Variants in PTPRB observed in about 807,000 individuals in gnomAD.
PTPRB encodes receptor-type tyrosine-protein phosphatase beta.
PTPRB carries 97 observed loss-of-function variants against 238.1 expected under a neutral mutation model. The observed-to-expected ratio is 0.41, with a 90% CI of 0.35 to 0.48. The LOEUF is 0.48. PTPRB is among the 20% of genes least tolerant of loss of function. The probability of loss-of-function intolerance (pLI) is 0.30; values close to 1 mark genes in which losing one functional copy is unlikely to be tolerated. For missense variants in PTPRB, 2,292 were observed against 2,681.9 expected (o/e 0.85, Z 3.21); for synonymous variants, 970 against 995.4 (o/e 0.97, Z 0.48).
intron 32 of PTPRB, among the ~76,000 whole-genome samples, chr12:70,524,883 A>ATGTATATGTG (rs1872145564): frequency 1.3e-5 from 2 of 150,774 alleles, no homozygotes; most frequent in Middle Eastern, 3.5e-3. Flanking sequence ...GTGTGTATAT[A>ATGTATATGTG]TGTATATATG....
rs772630471 is a variant in PTPRB at position 70,637,416 on chromosome 12, A to G, written c.-21T>C. 8 of 1,600,980 alleles carry G rather than the reference A, an allele frequency of 5.0e-6. No homozygotes were observed. In the East Asian group the frequency reaches 1.6e-4, roughly 32 times the overall value. On this transcript the variant is annotated 5_prime_UTR_variant, in exon 1 of 34. The change abolishes an upstream ATG in the 5' untranslated region. Coordinates refer to ENST00000334414, the MANE Select transcript of PTPRB (RefSeq NM_001109754.4). ...TCCATTTTCCACTTAGCAACTGTTC[A>G]TGCTTCGCTTGGGGAAAAAAAAAAT...
intron 14 of PTPRB, among the ~76,000 whole-genome samples, chr12:70,568,586 C>T (rs766715271): frequency 5.9e-5 from 9 of 152,006 alleles, no homozygotes; most frequent in Non-Finnish European, 8.8e-5. Flanking sequence ...CGTGAGCTAC[C>T]GCGCCTGGCC....
intron 27 of PTPRB, 149 bp from the exon 28 acceptor site, chr12:70,538,380 A>G: frequency 3.2e-6 from 2 of 625,332 alleles, no homozygotes; most frequent in Non-Finnish European, 5.4e-6. Context: ...AGGCAGGATA[A>G]CTAACTTGCC....
Position 70,560,621 on chromosome 12 carries a change from T to C in PTPRB, c.4432+50A>G. 1 of 1,600,810 alleles carries C rather than the reference T, an allele frequency of 6.2e-7. No individual in the cohort carries two copies. Among genetic ancestry groups the C allele is most frequent in the South Asian group, 1.1e-5 (1 of 89,838 alleles). On this transcript the variant is annotated intron_variant, in intron 17 of 33. Coordinates refer to ENST00000334414, the MANE Select transcript of PTPRB (RefSeq NM_001109754.4). This position sits in a 1 kb window ranked among gnomAD's most constrained non-coding sequence, Gnocchi z 4.2. ...TAAAATCAGAATCAAAATGTGTCTC[T>C]GGAAGCTACTTCCCACCATCCCTTG...
At chr12:70,523,527 T>C (rs1163676069) in intron 33 of PTPRB, among the ~76,000 whole-genome samples, 1 of 152,144 alleles carries the variant, frequency 6.6e-6, no homozygotes, top group Non-Finnish European at 1.5e-5. Flanking sequence ...TTTGAACTAG[T>C]TGTGATTTCA....
chr12:70,603,848 C>T (rs1883721762), intron 4 of PTPRB, among the ~76,000 whole-genome samples: 1 of 152,176 alleles, frequency 6.6e-6, no homozygotes, highest in South Asian at 2.1e-4. Context: ...AGTCTACCTT[C>T]AAAACTCAAC....
At chr12:70,562,490 C>T (rs2136334697) in intron 16 of PTPRB, among the ~76,000 whole-genome samples, 1 of 152,276 alleles carries the variant, frequency 6.6e-6, no homozygotes, top group African/African-American at 2.4e-5. Flanking sequence ...CTCCTGCTCT[C>T]CTCTCCGTCT....
At chr12:70,522,560 C>T (rs1456043018) in intron 33 of PTPRB, 1 of 152,102 alleles carries the variant, frequency 6.6e-6, no homozygotes, top group Non-Finnish European at 1.5e-5. Context: ...CACGATGGCC[C>T]AGAGTAAGAC....
chr12:70,538,352 A>T (rs1874509294), intron 27 of PTPRB, 121 bp from the exon 28 acceptor site: 2 of 782,436 alleles, frequency 2.6e-6, no homozygotes, highest in Admixed American at 5.8e-5. Flanking sequence ...TCTTATCTCC[A>T]TTTTGCAGAT....
chr12:70,523,717 A>C (rs1871934946), intron 33 of PTPRB, among the ~76,000 whole-genome samples: 1 of 152,154 alleles, frequency 6.6e-6, no homozygotes, highest in African/African-American at 2.4e-5. Context: ...GGGTAGGAGA[A>C]GAAATGGGTG....
chr12:70,571,154 G>C lies in PTPRB; in HGVS notation c.3242C>G (p.Pro1081Arg), dbSNP rs748616121. The C allele has an allele frequency of 6.2e-7, 1 of 1,613,984 alleles. No homozygotes were observed. The highest frequency in any genetic ancestry group is 8.5e-7 in the Non-Finnish European group (1 of 1,179,894). Residue 1081 changes from proline (P) to arginine (R), a missense_variant, in exon 13 of 34, where the codon CCT becomes CGT. By Grantham distance (103) the Pro-to-Arg change is moderately radical. Transcript: ENST00000334414. ...GGTTGCGGTATTTACAAGGTGAAAA[G>C]GAGGAAATACTTTCATGTCATTGAA... The part of the protein sequence containing the change: ...LLFNDMKVFP[P>R]FHLVNTATEY...
chr12:70,523,333 G>A (rs1046294677), intron 33 of PTPRB, among the ~76,000 whole-genome samples: 2 of 152,074 alleles, frequency 1.3e-5, no homozygotes, highest in African/African-American at 2.4e-5. Flanking sequence ...TAAATTTATT[G>A]TAGAGAAGGG....
intron 3 of PTPRB, among the ~76,000 whole-genome samples, chr12:70,620,442 AC>A (rs1460841771): frequency 3.9e-5 from 6 of 152,164 alleles, no homozygotes; most frequent in African/African-American, 1.4e-4. Flanking sequence ...CTAAAAGACA[AC>A]CCTTTAGTGT....
At chr12:70,580,377 G>A (rs1881246514) in intron 10 of PTPRB, among the ~76,000 whole-genome samples, 1 of 152,186 alleles carries the variant, frequency 6.6e-6, no homozygotes. Context: ...ATATATAAGA[G>A]TGAAAGATGC....
intron 2 of PTPRB, among the ~76,000 whole-genome samples, chr12:70,628,119 T>C (rs1885288908): frequency 6.6e-6 from 1 of 152,188 alleles, no homozygotes; most frequent in Non-Finnish European, 1.5e-5. Flanking sequence ...GGTTCGGCCA[T>C]ATCAGGGACA....
chr12:70,634,046 T>A (rs1216368133), intron 2 of PTPRB, among the ~76,000 whole-genome samples: 1 of 152,234 alleles, frequency 6.6e-6, no homozygotes, highest in Non-Finnish European at 1.5e-5. Flanking sequence ...AGTTGAATTT[T>A]TGAGTAGGTT....
chr12:70,555,785 G>A (rs1373159363), intron 19 of PTPRB, 85 bp downstream of exon 19: 13 of 1,477,820 alleles, frequency 8.8e-6, no homozygotes, highest in Non-Finnish European at 1.2e-5. Flanking sequence ...CAAGTGAATA[G>A]CAGTGATGGA....
At position 70,560,125 on chromosome 12, in the gene PTPRB, C is replaced by T. The variant is rs545923786; in HGVS notation, c.4433-501G>A. On this transcript the variant is annotated intron_variant, in intron 17 of 33. Transcript: ENST00000334414. This position sits in a 1 kb window ranked among gnomAD's most constrained non-coding sequence, Gnocchi z 4.2. The stretch of plus-strand genomic sequence containing the variant: ...GTACTGGGATTATAGGCATGAGCCA[C>T]GGTGCCCAGCCTCATATACCTTTTC... 1.9e-4 allele frequency among the ~76,000 whole-genome samples: 29 copies of T among 152,288 alleles called. No individual in the cohort carries two copies. The highest frequency in any genetic ancestry group is 5.3e-4 in the African/African-American group (22 of 41,556).
intron 3 of PTPRB, among the ~76,000 whole-genome samples, chr12:70,621,632 A>G (rs1884939052): frequency 6.6e-6 from 1 of 152,242 alleles, no homozygotes; most frequent in Non-Finnish European, 1.5e-5. Flanking sequence ...TGCACAATGC[A>G]AAAGATACCA....
Sources: allele counts gnomAD v4.1 joint callset (sites outside exome capture counted in the v4.1 genomes callset), GRCh38; gene constraint gnomAD v4.1.1; non-coding constraint Gnocchi (gnomAD v3.1); transcripts MANE v1.5; gene names NCBI Gene and HGNC (gene_info 2026-07-23, HGNC 2026-07-21).